MGAT4C: variants seen among roughly 807,000 people sequenced by gnomAD.
The protein encoded by MGAT4C is alpha-1,3-mannosyl-glycoprotein 4-beta-N-acetylglucosaminyltransferase C.
A neutral mutation model predicts 40.1 loss-of-function variants in MGAT4C; 19 were observed. The ratio of observed to expected loss-of-function variants is 0.47; its 90% CI spans 0.33 to 0.70. The LOEUF (loss-of-function observed/expected upper bound fraction) is 0.70. Ranked by LOEUF, MGAT4C falls within the 30% of genes least tolerant of loss-of-function variation. The pLI, the probability that MGAT4C is intolerant of heterozygous loss-of-function variation, is 0.02. For missense variants in MGAT4C, 491 were observed against 563.2 expected (o/e 0.87, Z 1.30); for synonymous variants, 181 against 187.1 (o/e 0.97, Z 0.27).
intron 2 of MGAT4C, among the ~76,000 whole-genome samples, chr12:86,587,677 T>A (rs993096442): frequency 6.6e-6 from 1 of 152,036 alleles, no homozygotes; most frequent in African/African-American, 2.4e-5. Context: ...CCTTGTAAGG[T>A]GGATTCCTAG....
intron 3 of MGAT4C, among the ~76,000 whole-genome samples, chr12:86,359,483 G>A (rs1448261106): frequency 6.6e-6 from 1 of 151,228 alleles, no homozygotes; most frequent in African/African-American, 2.4e-5. Flanking sequence ...GATTAGAGAA[G>A]AACTGAAGGA....
intron 2 of MGAT4C, among the ~76,000 whole-genome samples, chr12:86,713,676 A>G (rs901447312): frequency 1.3e-5 from 2 of 152,126 alleles, no homozygotes; most frequent in Non-Finnish European, 2.9e-5. Context: ...GTAGTTTTAT[A>G]TATATGAGTT....
At chr12:86,270,546 T>C (rs1448695061) in intron 4 of MGAT4C, among the ~76,000 whole-genome samples, 2 of 152,226 alleles carry the variant, frequency 1.3e-5, no homozygotes, top group African/African-American at 4.8e-5. Context: ...CTTATTTTAC[T>C]TACCATATTT....
chr12:86,261,807 G>C (rs1952663986), intron 4 of MGAT4C, among the ~76,000 whole-genome samples: 1 of 151,978 alleles, frequency 6.6e-6, no homozygotes. Context: ...AGGGAAGTAA[G>C]AATCACATTA....
At chr12:86,506,156 GC>G (rs1483207975) in intron 2 of MGAT4C, among the ~76,000 whole-genome samples, 1 of 152,152 alleles carries the variant, frequency 6.6e-6, no homozygotes, top group Admixed American at 6.6e-5. Context: ...AAATCTCACA[GC>G]CTCTGTCACA....
rs530703446 is a variant in MGAT4C, at chr12:86,694,008, A to G, written c.-229+33201T>C. Among the ~76,000 whole-genome samples, 15 of 152,268 alleles carry G rather than the reference A, an allele frequency of 9.9e-5. No individual in the cohort carries two copies. In the South Asian group the frequency reaches 2.9e-3, roughly 29 times the overall value. On this transcript the variant is annotated intron_variant, in intron 2 of 7. Transcript: ENST00000548651. ...CTTTAAAAATACATGTTTTATTACTATTATAAATCCAAAGCAAAATAAGGA... is the reference window on the plus strand; with the variant it reads ...CTTTAAAAATACATGTTTTATTACTGTTATAAATCCAAAGCAAAATAAGGA...
rs1382227391 is a variant in MGAT4C at position 85,966,467 on chromosome 12, ACTCT to A, written c.*12818_*12821del. 1.4e-4 allele frequency: 22 copies of A among 151,996 alleles called. No homozygotes were observed. Among genetic ancestry groups the A allele is most frequent in the Admixed American group, 1.2e-3 (19 of 15,252 alleles). The allele number at this position is 151,996 out of a possible 1,614,324, so 9.4% of individuals were successfully genotyped here. On this transcript the variant is annotated 3_prime_UTR_variant, in exon 5 of 5. Coordinates refer to ENST00000611864, the MANE Select transcript of MGAT4C (RefSeq NM_001351288.2). Reference sequence around the variant, plus strand: ...ACCTGGCTGTTTTATTCTATTGTGCACTCTAATTACATAACCAAAATCTTTTTAA... The same window carrying A: ...ACCTGGCTGTTTTATTCTATTGTGCAAATTACATAACCAAAATCTTTTTAA...
At chr12:86,241,272 G>T (rs888315528) in intron 1 of MGAT4C, among the ~76,000 whole-genome samples, 14 of 152,046 alleles carry the variant, frequency 9.2e-5, no homozygotes, top group African/African-American at 3.4e-4. Context: ...CATGTATCAT[G>T]CCCCACAATA....
chr12:86,067,442 C>A lies in MGAT4C; in HGVS notation c.-56-17719G>T, dbSNP rs1894652726. Among the ~76,000 whole-genome samples, 3 of 150,610 alleles carry A rather than the reference C, an allele frequency of 2.0e-5. No individual in the cohort carries two copies. The South Asian group carries it at 6.3e-4, about 32-fold the overall frequency. ...TGAAGCTGGAAACCATACTTCTCAG[C>A]AAACTAACACAAGAACAGAAAACCA... On this transcript the variant is annotated intron_variant, in intron 1 of 4. Coordinates refer to ENST00000611864, the MANE Select transcript of MGAT4C (RefSeq NM_001351288.2).
intron 1 of MGAT4C, among the ~76,000 whole-genome samples, chr12:86,057,479 T>C (rs1893521897): frequency 6.6e-6 from 1 of 152,234 alleles, no homozygotes; most frequent in Non-Finnish European, 1.5e-5. Flanking sequence ...TACACTGAAC[T>C]ACCTGCTATT....
At chr12:86,822,769 A>C (rs1331784235) in intron 1 of MGAT4C, among the ~76,000 whole-genome samples, 3 of 151,112 alleles carry the variant, frequency 2.0e-5, no homozygotes, top group African/African-American at 7.3e-5. Flanking sequence ...GTAACCACAC[A>C]AAAAATCAGT....
At chr12:86,200,132 T>G (rs1434551590) in intron 1 of MGAT4C, among the ~76,000 whole-genome samples, 1 of 84,750 alleles carries the variant, frequency 1.2e-5, no homozygotes, top group Non-Finnish European at 3.1e-5. Context: ...TATTTGTTTT[T>G]TTTTTTTTTT....
chr12:86,633,455 G>A (rs1034523819), intron 2 of MGAT4C, among the ~76,000 whole-genome samples: 2 of 151,934 alleles, frequency 1.3e-5, no homozygotes, highest in African/African-American at 4.8e-5. Context: ...AAACTTGGTG[G>A]CATACTTTGC....
intron 4 of MGAT4C, among the ~76,000 whole-genome samples, chr12:86,279,181 T>A (rs919742910): frequency 6.6e-6 from 1 of 152,194 alleles, no homozygotes; most frequent in Non-Finnish European, 1.5e-5. Flanking sequence ...TAGAATGAGT[T>A]TGGACGTATT....
intron 2 of MGAT4C, chr12:86,435,268 G>C (rs1317922611): frequency 6.6e-6 from 1 of 151,826 alleles, no homozygotes; most frequent in Non-Finnish European, 1.5e-5. Context: ...TCCAGTTCCT[G>C]CACAAAAAAA....
At chr12:86,660,362 T>C (rs1489746915) in intron 2 of MGAT4C, among the ~76,000 whole-genome samples, 1 of 152,122 alleles carries the variant, frequency 6.6e-6, no homozygotes, top group Non-Finnish European at 1.5e-5. Flanking sequence ...TCTTTGATAC[T>C]ACAAAAACAA....
intron 2 of MGAT4C, among the ~76,000 whole-genome samples, chr12:86,630,317 C>T (rs1230464306): frequency 6.6e-6 from 1 of 152,020 alleles, no homozygotes; most frequent in Non-Finnish European, 1.5e-5. Flanking sequence ...CGGATTCTAC[C>T]AGAGGTAAAA....
At chr12:86,046,511 C>A (rs1892407998) in intron 2 of MGAT4C, among the ~76,000 whole-genome samples, 1 of 152,116 alleles carries the variant, frequency 6.6e-6, no homozygotes, top group Non-Finnish European at 1.5e-5. Context: ...CAATAGCTGA[C>A]TAGAAACACA....
chr12:86,451,952 A>G (rs956016340), intron 2 of MGAT4C, among the ~76,000 whole-genome samples: 1 of 152,114 alleles, frequency 6.6e-6, no homozygotes, highest in Non-Finnish European at 1.5e-5. Flanking sequence ...TTTCATTTCA[A>G]TATCTAGTAA....
Sources: gnomAD v4.1 joint callset for allele counts (sites outside exome capture counted in the v4.1 genomes callset) on GRCh38, gnomAD v4.1.1 for gene constraint, MANE v1.5 for transcripts, NCBI Gene and HGNC (gene_info 2026-07-23, HGNC 2026-07-21) for gene names.